Variants in RASSF5 observed in about 807,000 individuals in gnomAD.
RASSF5 encodes the protein ras association domain-containing protein 5.
A neutral mutation model predicts 40.5 loss-of-function variants in RASSF5; 25 were observed. That is an observed-to-expected ratio of 0.62 (90% CI 0.45 to 0.86). The LOEUF is 0.86. RASSF5 is among the 40% of genes least tolerant of loss of function. The pLI is 0.00. For synonymous variants in RASSF5, 246 were observed against 252.4 expected (o/e 0.97, Z 0.24); for missense variants, 521 against 572.8 (o/e 0.91, Z 0.92).
At chr1:206,548,625 T>G (rs1296282037) in intron 2 of RASSF5, among the ~76,000 whole-genome samples, 2 of 152,218 alleles carry the variant, frequency 1.3e-5, no homozygotes, top group East Asian at 3.8e-4. Flanking sequence ...TTGGTTACAA[T>G]GTGCCTTTTG....
intron 5 of RASSF5, 116 bp downstream of exon 5, chr1:206,585,411 G>A: frequency 1.3e-6 from 1 of 765,972 alleles, no homozygotes; most frequent in Non-Finnish European, 2.3e-6. Flanking sequence ...GCAGGAAGGT[G>A]ACTGTTGAGA....
intron 2 of RASSF5, among the ~76,000 whole-genome samples, chr1:206,582,684 A>G (rs978372775): frequency 6.6e-5 from 10 of 152,200 alleles, no homozygotes; most frequent in African/African-American, 2.2e-4. Context: ...ACTTCTTGCT[A>G]TGTGAAAAGC....
At chr1:206,527,232 G>A (rs535627218) in intron 1 of RASSF5, among the ~76,000 whole-genome samples, 61 of 152,296 alleles carry the variant, frequency 4.0e-4, no homozygotes, top group Non-Finnish European at 7.2e-4. Flanking sequence ...CACCATCTGG[G>A]TAAGGATTTC....
intron 1 of RASSF5, among the ~76,000 whole-genome samples, chr1:206,511,649 A>G (rs1666615097): frequency 1.3e-5 from 2 of 151,920 alleles, no homozygotes; most frequent in South Asian, 4.2e-4. Flanking sequence ...AGGCCAACTA[A>G]CCTCCCCACT....
At chr1:206,522,333 C>A (rs35013449) in intron 1 of RASSF5, among the ~76,000 whole-genome samples, 3,519 of 152,254 alleles carry the variant, frequency 0.023, 176 homozygotes, top group East Asian at 0.22. Flanking sequence ...AGTTCTCTCC[C>A]TGTGTATCTC....
chr1:206,583,665 T>G, intron 3 of RASSF5: 2 of 390,686 alleles, frequency 5.1e-6, no homozygotes, highest in Non-Finnish European at 9.7e-6. Context: ...AAACGGTACG[T>G]AATGACCAAG....
intron 2 of RASSF5, among the ~76,000 whole-genome samples, chr1:206,574,936 T>C (rs1668582314): frequency 6.8e-6 from 1 of 146,682 alleles, no homozygotes; most frequent in Non-Finnish European, 1.5e-5. Context: ...CTTGGCTCAA[T>C]GCAACCTCTG....
In RASSF5 at chr1:206,565,782, G is replaced by A. The variant is rs116649831; in HGVS notation, c.580-17487G>A. 3.4e-3 allele frequency among the ~76,000 whole-genome samples: 517 copies of A among 152,308 alleles called. 4 individuals carry two copies. The highest frequency in any genetic ancestry group is 0.012 in the African/African-American group (490 of 41,566). On this transcript the variant is annotated intron_variant, in intron 2 of 5. Coordinates refer to ENST00000579436, the MANE Select transcript of RASSF5 (RefSeq NM_182663.4). ...AAGGGTTTGAACAGGAATTGCCCAC[G>A]AGGGGCTGGGAACAGGCTGCCAGCA...
chr1:206,575,797 G>A (rs576572165), intron 2 of RASSF5, among the ~76,000 whole-genome samples: 1 of 152,342 alleles, frequency 6.6e-6, no homozygotes, highest in South Asian at 2.1e-4. Context: ...GACGTCACAG[G>A]TCATTTGATG....
chr1:206,575,779 G>A, intron 2 of RASSF5, among the ~76,000 whole-genome samples: 1 of 152,252 alleles, frequency 6.6e-6, no homozygotes, highest in East Asian at 1.9e-4. Context: ...AGGGGAAGTA[G>A]CTCCCCAGAC....
chr1:206,553,601 A>G (rs970725030), intron 2 of RASSF5, among the ~76,000 whole-genome samples: 14 of 152,182 alleles, frequency 9.2e-5, no homozygotes, highest in African/African-American at 3.1e-4. Flanking sequence ...ACAGGTACCC[A>G]CCTGGAGATA....
intron 4 of RASSF5, 179 bp from the exon 5 acceptor site, chr1:206,585,001 G>A: frequency 1.6e-6 from 1 of 624,956 alleles, no homozygotes; most frequent in Non-Finnish European, 2.8e-6. Context: ...ACTCTGAGCA[G>A]ACACCCAAGA....
chr1:206,564,107 A>G (rs1572344388), intron 2 of RASSF5, among the ~76,000 whole-genome samples: 1 of 152,178 alleles, frequency 6.6e-6, no homozygotes, highest in East Asian at 1.9e-4. Flanking sequence ...CACCCTTGTC[A>G]TGTGAGTGTC....
rs782218272 is a variant in RASSF5, at chr1:206,584,508, C to T, written c.812C>T (p.Ala271Val). 8.6e-5 allele frequency: 139 copies of T among 1,613,946 alleles called. No homozygotes were observed. In the Admixed American group the frequency reaches 1.8e-3, roughly 21 times the overall value. Residue 271 changes from alanine (A) to valine (V), a missense_variant, in exon 4 of 6, where the codon GCG becomes GTG. Coordinates refer to ENST00000579436, the MANE Select transcript of RASSF5 (RefSeq NM_182663.4). This position sits in a 1 kb window ranked among gnomAD's most constrained non-coding sequence, Gnocchi z 4.9. ...IYDAIKEVNL[A>V]ATTDKRTSFY... ...GATGCCATCAAGGAGGTGAACCTGG[C>T]GGCTACCACGGACAAGCGGACATCC...
chr1:206,588,319 G>A lies in RASSF5; in HGVS notation c.*1341G>A, dbSNP rs1457937911. On this transcript the variant is annotated 3_prime_UTR_variant, in exon 6 of 6. Transcript: ENST00000579436. ...TGCCTGAGTTTTGACTCCAATCAGTGATACCAGACCACATTGACAGGGAGG... is the reference window on the plus strand; with the variant it reads ...TGCCTGAGTTTTGACTCCAATCAGTAATACCAGACCACATTGACAGGGAGG... The A allele has an allele frequency of 6.6e-6, 1 of 152,614 alleles. No homozygotes were observed. The highest frequency in any genetic ancestry group is 2.4e-5 in the African/African-American group (1 of 41,574). The allele number at this position is 152,614 out of a possible 1,614,324, so 9.5% of individuals were successfully genotyped here. A position where few individuals can be genotyped will look rare whatever the true frequency, so the allele number is the denominator to read the frequency against.
rs1171545733 is a variant in RASSF5, at chr1:206,585,240, C to G, written c.1049C>G (p.Pro350Arg). ...RPLYLRLLAG[P>R]DTEVLSFVLK... ...CTCTACCTGCGCCTGCTTGCTGGGC[C>G]TGACACGGAGGTCCTCAGCTTTGTG... The change falls in exon 5 of 6, where the codon CCT (proline) becomes CGT (arginine). Residue 350 changes from proline to arginine, a missense_variant. By Grantham distance (103) the Pro-to-Arg change is moderately radical. This residue lies in a region of RASSF5 where 284 missense variants were observed against 360.8 expected (regional missense o/e 0.79). Coordinates refer to ENST00000579436, the MANE Select transcript of RASSF5 (RefSeq NM_182663.4). 6.2e-7 allele frequency: 1 copy of G among 1,614,076 alleles called. No individual in the cohort carries two copies. The highest frequency in any genetic ancestry group is 2.2e-5 in the East Asian group (1 of 44,888).
Position 206,507,977 on chromosome 1 carries a change from C to T in RASSF5, c.375C>T (p.Phe125=). Reference sequence around the variant, plus strand: ...CGGAGCGAGGCGAGGGGCACTGCTTCGCCGAGTTGGTGCTGCCGGGCGGCC... The same window carrying T: ...CGGAGCGAGGCGAGGGGCACTGCTTTGCCGAGTTGGTGCTGCCGGGCGGCC... ...VPAERGEGHC[F]AELVLPGGPG... Residue 125 remains phenylalanine, a synonymous_variant, in exon 1 of 6, where the codon TTC becomes TTT. Coordinates refer to ENST00000579436, the MANE Select transcript of RASSF5 (RefSeq NM_182663.4). 2 of 1,535,810 alleles carry T rather than the reference C, an allele frequency of 1.3e-6. No homozygotes were observed. Among genetic ancestry groups the T allele is most frequent in the South Asian group, 1.2e-5 (1 of 82,836 alleles).
At chr1:206,523,492 ATATTATATATTTTATATATTAT>A (rs1553396448) in intron 1 of RASSF5, among the ~76,000 whole-genome samples, 1 of 17,792 alleles carries the variant, frequency 5.6e-5, no homozygotes, top group East Asian at 3.5e-3. Flanking sequence ...ATAATATTAT[ATATTATATATTTTATATATTAT>A]ATATTATATA....
At chr1:206,577,049 G>A (rs968938892) in intron 2 of RASSF5, among the ~76,000 whole-genome samples, 1 of 151,390 alleles carries the variant, frequency 6.6e-6, no homozygotes, top group Non-Finnish European at 1.5e-5. Flanking sequence ...GGGCTCAAGC[G>A]ATCATCCTGC....
Sources: gnomAD v4.1 joint callset for allele counts (sites outside exome capture counted in the v4.1 genomes callset) on GRCh38, gnomAD v4.1.1 for gene constraint, gnomAD v4.1.1 regional missense constraint, Gnocchi (gnomAD v3.1) non-coding constraint, MANE v1.5 for transcripts, NCBI Gene and HGNC (gene_info 2026-07-23, HGNC 2026-07-21) for gene names.